The following CELSR1 variants were observed in gnomAD, a reference collection of about 807,000 sequenced individuals.
CELSR1 encodes adhesion G protein-coupled receptor C1.
Under a neutral mutation model 249.1 loss-of-function variants are expected in CELSR1, and 110 were observed. The ratio of observed to expected loss-of-function variants is 0.44; its 90% CI spans 0.38 to 0.52. The LOEUF (loss-of-function observed/expected upper bound fraction) is 0.52, where lower values mean the gene tolerates loss of function less well. CELSR1 is among the 20% of genes least tolerant of loss of function. The pLI is 0.00. For missense variants in CELSR1, 4,109 were observed against 4,296.4 expected (o/e 0.96, Z 1.22); for synonymous variants, 2,113 against 1,900.0 (o/e 1.11, Z -2.92).
At chr22:46,371,969 C>T in intron 25 of CELSR1, among the ~76,000 whole-genome samples, 1 of 148,494 alleles carries the variant, frequency 6.7e-6, no homozygotes, top group East Asian at 2.0e-4. Context: ...CATCCATCCA[C>T]TCAACTCACT....
chr22:46,497,500 G>A (rs1174287672), intron 1 of CELSR1, among the ~76,000 whole-genome samples: 1 of 152,110 alleles, frequency 6.6e-6, no homozygotes, highest in African/African-American at 2.4e-5. Context: ...GAGTTCCTTG[G>A]GTTGGGGCTA....
At position 46,439,329 on chromosome 22, in the gene CELSR1, G is replaced by A. The variant is rs768839507; in HGVS notation, c.4266C>T (p.Leu1422=). 7.4e-6 allele frequency: 12 copies of A among 1,613,980 alleles called. No homozygotes were observed. The highest frequency in any genetic ancestry group is 6.7e-5 in the East Asian group (3 of 44,882). ...CKNGGTCVNL[L]IGGFHCVCPP... is the part of the protein sequence containing the mutation. ...GACACACGCAGTGGAAGCCGCCGAT[G>A]AGCAGGTTCACGCAGGTGCCCCCGT... The change falls in exon 3 of 35, where the codon CTC becomes CTT. Residue 1422 remains leucine (L), a synonymous_variant. Transcript: ENST00000674500.
rs995764390 is a variant in CELSR1 at position 46,537,149 on chromosome 22, C to A, written c.22G>T (p.Val8Leu). 9.7e-7 allele frequency: 1 copy of A among 1,026,196 alleles called. No homozygotes were observed. 63.6% of individuals were successfully genotyped at this position (1,026,196 alleles called of 1,614,324 possible). A position where few individuals can be genotyped will look rare whatever the true frequency, so the allele number is the denominator to read the frequency against. The change falls in exon 1 of 35, where the codon GTG (valine) becomes TTG (leucine). Residue 8 changes from valine (V) to leucine (L), a missense_variant. Physicochemically the swap from Val to Leu is conservative, Grantham distance 32. Coordinates refer to ENST00000674500, the MANE Select transcript of CELSR1 (RefSeq NM_001378328.1). This position sits in a 1 kb window ranked among gnomAD's most constrained non-coding sequence, Gnocchi z 5.8. MAPPPPP[V>L]LPVLLLLAAA... ...GCCAGGAGCAGCAGCACGGGCAGCA[C>A]GGGCGGCGGCGGCGGCGCCATGGCC...
rs190798504 is a variant in CELSR1, at chr22:46,445,521, C to A, written c.4184-6110G>T. Among the ~76,000 whole-genome samples, 18 of 152,106 alleles carry A rather than the reference C, an allele frequency of 1.2e-4. 1 individual carries two copies. The East Asian group carries it at 3.5e-3, about 30-fold the overall frequency. On this transcript the variant is annotated intron_variant, in intron 2 of 34. Coordinates refer to ENST00000674500, the MANE Select transcript of CELSR1 (RefSeq NM_001378328.1). This position sits in a 1 kb window ranked among gnomAD's most constrained non-coding sequence, Gnocchi z 4.4. ...AAAAATGAATAAAAAATAAAGACACCAGTCATTGGATTTAGGGTCCACCCT... is the reference window on the plus strand; with the variant it reads ...AAAAATGAATAAAAAATAAAGACACAAGTCATTGGATTTAGGGTCCACCCT...
At chr22:46,387,001 A>T (rs1602060007) in intron 18 of CELSR1, among the ~76,000 whole-genome samples, 2 of 152,046 alleles carry the variant, frequency 1.3e-5, no homozygotes, top group Middle Eastern at 6.8e-3. Context: ...CAGGTGATTC[A>T]CCTGCCTCGG....
rs1407460437 is a variant in CELSR1 at position 46,417,346 on chromosome 22, C to T, written c.4612-5587G>A. 6.6e-6 allele frequency among the ~76,000 whole-genome samples: 1 copy of T among 152,190 alleles called. No individual in the cohort carries two copies. The highest frequency in any genetic ancestry group is 2.4e-5 in the African/African-American group (1 of 41,454). On this transcript the variant is annotated intron_variant, in intron 5 of 34. Coordinates refer to ENST00000674500, the MANE Select transcript of CELSR1 (RefSeq NM_001378328.1). This position sits in a 1 kb window ranked among gnomAD's most constrained non-coding sequence, Gnocchi z 4.1. ...GCCTTCCAGAATTCAAACTGGCCTC[C>T]CAGGAGCCTCGGACAGGACTTTGCC... is the stretch of plus-strand genomic sequence containing the variant.
At chr22:46,442,043 G>C (rs929570296) in intron 2 of CELSR1, among the ~76,000 whole-genome samples, 1 of 152,200 alleles carries the variant, frequency 6.6e-6, no homozygotes, top group African/African-American at 2.4e-5. Flanking sequence ...ATCTACTCGG[G>C]AGGCTGAGGC....
chr22:46,465,590 G>A (rs560832482), intron 1 of CELSR1, among the ~76,000 whole-genome samples: 3 of 152,312 alleles, frequency 2.0e-5, no homozygotes, highest in African/African-American at 4.8e-5. Flanking sequence ...ACAGCGGCAC[G>A]CGGGGATCCC....
chr22:46,366,376 G>T lies in CELSR1; in HGVS notation c.8300+10C>A. On this transcript the variant is annotated intron_variant, in intron 30 of 34. Transcript: ENST00000674500. The stretch of plus-strand genomic sequence containing the variant: ...GAGCCACCTCCCCGAACCCGGAGCT[G>T]CGGCCTGACCTGACGATGCTGTCCA... The T allele has an allele frequency of 6.5e-7, 1 of 1,542,438 alleles. No homozygotes were observed. The highest frequency in any genetic ancestry group is 1.2e-5 in the South Asian group (1 of 83,356).
chr22:46,403,320 G>A (rs559905673), intron 9 of CELSR1, among the ~76,000 whole-genome samples: 8 of 151,614 alleles, frequency 5.3e-5, no homozygotes, highest in East Asian at 1.9e-4. Flanking sequence ...AGGCTGAGGC[G>A]GGTGGATCAC....
At chr22:46,474,955 G>A (rs1213621831) in intron 1 of CELSR1, among the ~76,000 whole-genome samples, 2 of 152,066 alleles carry the variant, frequency 1.3e-5, no homozygotes, top group Non-Finnish European at 2.9e-5. Flanking sequence ...GAAACGCACA[G>A]GCAGGCCCTG....
In CELSR1 at chr22:46,402,728, T is replaced by C. The variant is rs188819755; in HGVS notation, c.5227-2826A>G. Among the ~76,000 whole-genome samples the C allele has an allele frequency of 1.5e-3, 223 of 152,214 alleles. No homozygotes were observed. The highest frequency in any genetic ancestry group is 5.0e-3 in the African/African-American group (209 of 41,522). Reference sequence around the variant, plus strand: ...AAGGAAACAGACTCAGTGAGACAATTAGACTTACTTCTGGGTGTAGGTGTT... The same window carrying C: ...AAGGAAACAGACTCAGTGAGACAATCAGACTTACTTCTGGGTGTAGGTGTT... On this transcript the variant is annotated intron_variant, in intron 9 of 34. Transcript: ENST00000674500. The surrounding 1 kb of genome is among the most constrained non-coding windows in gnomAD (Gnocchi z 5.0).
In CELSR1 at chr22:46,506,010, C is replaced by G. The variant is rs1265618024; in HGVS notation, c.3544+27617G>C. Among the ~76,000 whole-genome samples the G allele has an allele frequency of 1.3e-5, 2 of 151,788 alleles. No individual in the cohort carries two copies. Among genetic ancestry groups the G allele is most frequent in the East Asian group, 1.9e-4 (1 of 5,150 alleles). Reference sequence around the variant, plus strand: ...ACTGGCCAATGTGGTGAAACCCTGTCTCTACTAAAAATACAAAAATTAGCA... The same window carrying G: ...ACTGGCCAATGTGGTGAAACCCTGTGTCTACTAAAAATACAAAAATTAGCA... On this transcript the variant is annotated intron_variant, in intron 1 of 34. Transcript: ENST00000674500. The surrounding 1 kb of genome is among the most constrained non-coding windows in gnomAD (Gnocchi z 4.1).
intron 2 of CELSR1, among the ~76,000 whole-genome samples, chr22:46,460,756 C>G (rs915284477): frequency 6.6e-6 from 1 of 152,158 alleles, no homozygotes; most frequent in Non-Finnish European, 1.5e-5. Flanking sequence ...CAGACCCCAA[C>G]CACAGTCCCA....
rs148930295 is a variant in CELSR1, at chr22:46,445,056, C to T, written c.4184-5645G>A. 1.1e-3 allele frequency among the ~76,000 whole-genome samples: 174 copies of T among 151,948 alleles called. 1 individual carries two copies. The highest frequency in any genetic ancestry group is 4.1e-3 in the African/African-American group (169 of 41,414). On this transcript the variant is annotated intron_variant, in intron 2 of 34. Coordinates refer to ENST00000674500, the MANE Select transcript of CELSR1 (RefSeq NM_001378328.1). This position sits in a 1 kb window ranked among gnomAD's most constrained non-coding sequence, Gnocchi z 4.4. ...AATCTCTACTACAAAAATTAACCGG[C>T]GTGGTGGCAAGCGCCTGTAATCCCA...
At chr22:46,507,903 C>T (rs1024789869) in intron 1 of CELSR1, among the ~76,000 whole-genome samples, 1 of 152,008 alleles carries the variant, frequency 6.6e-6, no homozygotes, top group African/African-American at 2.4e-5. Flanking sequence ...TACCTCCTCA[C>T]ACCCCCCTAC....
At chr22:46,525,224 A>G (rs4823843) in intron 1 of CELSR1, among the ~76,000 whole-genome samples, 50,202 of 152,092 alleles carry the variant, frequency 0.33, 9,013 homozygotes, top group African/African-American at 0.46. Flanking sequence ...CGAAGCGGGC[A>G]GATCACCTGA....
intron 1 of CELSR1, among the ~76,000 whole-genome samples, chr22:46,492,522 G>C (rs2080377173): frequency 6.6e-6 from 1 of 152,084 alleles, no homozygotes; most frequent in Admixed American, 6.6e-5. Context: ...TATTCTTCCA[G>C]ATTAGAAACA....
In CELSR1 at chr22:46,390,056, C is replaced by T. The variant is rs778365163; in HGVS notation, c.6345+336G>A. On this transcript the variant is annotated intron_variant, in intron 17 of 34. Coordinates refer to ENST00000674500, the MANE Select transcript of CELSR1 (RefSeq NM_001378328.1). This position sits in a 1 kb window ranked among gnomAD's most constrained non-coding sequence, Gnocchi z 6.3. The stretch of plus-strand genomic sequence containing the variant: ...CCAAAGAGGGCTCAGAGAAAGATAG[C>T]GAGTGGGAGACGTGGGAACAAAAGC... Among the ~76,000 whole-genome samples the T allele has an allele frequency of 2.5e-4, 38 of 152,234 alleles. No individual in the cohort carries two copies. Among genetic ancestry groups the T allele is most frequent in the Non-Finnish European group, 4.4e-4 (30 of 68,028 alleles).
Sources: allele counts gnomAD v4.1 joint callset (sites outside exome capture counted in the v4.1 genomes callset), GRCh38; gene constraint gnomAD v4.1.1; non-coding constraint Gnocchi (gnomAD v3.1); transcripts MANE v1.5; gene names NCBI Gene and HGNC (gene_info 2026-07-23, HGNC 2026-07-21).